Variants in DYNC1H1 observed in about 807,000 individuals in gnomAD.
DYNC1H1 encodes dynein cytoplasmic 1 heavy chain 1, also known as cytoplasmic dynein 1 heavy chain 1.
Under a neutral mutation model 527.1 loss-of-function variants are expected in DYNC1H1, and 51 were observed. That is an observed-to-expected ratio of 0.10 (90% CI 0.08 to 0.12). The LOEUF is 0.12. Ranked by LOEUF, DYNC1H1 falls within the 10% of genes least tolerant of loss-of-function variation. The pLI is 1.00. For synonymous variants in DYNC1H1, 2,189 were observed against 2,278.8 expected, an observed-to-expected ratio of 0.96 and a Z score of 1.12; for missense variants, 2,771 against 5,971.8, an observed-to-expected ratio of 0.46 and a Z score of 17.66.
In DYNC1H1 at chr14:102,049,891, A is replaced by G. The variant is rs1475798561; in HGVS notation, c.13684+9A>G. On this transcript the variant is annotated intron_variant, in intron 76 of 77. Coordinates refer to ENST00000360184, the MANE Select transcript of DYNC1H1 (RefSeq NM_001376.5). The surrounding 1 kb of genome is among the most constrained non-coding windows in gnomAD (Gnocchi z 5.5). ...CAGCTTCGGAGTCACGGGTGAGTGG[A>G]GTCTCACAGAAAATACTGGCTCTTT... is the stretch of plus-strand genomic sequence containing the variant. The G allele has an allele frequency of 6.3e-7, 1 of 1,597,456 alleles. No homozygotes were observed. Among genetic ancestry groups the G allele is most frequent in the Non-Finnish European group, 8.5e-7 (1 of 1,176,208 alleles).
chr14:102,025,357 A>T (rs1290200894), intron 43 of DYNC1H1, among the ~76,000 whole-genome samples: 1 of 151,756 alleles, frequency 6.6e-6, no homozygotes, highest in Non-Finnish European at 1.5e-5. Context: ...GTGAGCCGAG[A>T]TCGCGCCATT....
At position 102,041,967 on chromosome 14, in the gene DYNC1H1, C is replaced by A; in HGVS notation, c.12103-46C>A. The A allele has an allele frequency of 6.3e-7, 1 of 1,595,770 alleles. No individual in the cohort carries two copies. Among genetic ancestry groups the A allele is most frequent in the Non-Finnish European group, 8.6e-7 (1 of 1,163,736 alleles). ...GCTCTCCTTTCCCTTGACAGGTACA[C>A]ACTATTTGCTGGCACTGTAATAACT... On this transcript the variant is annotated intron_variant, in intron 65 of 77. Transcript: ENST00000360184. This position sits in a 1 kb window ranked among gnomAD's most constrained non-coding sequence, Gnocchi z 4.5.
rs2152596249 is a variant in DYNC1H1, at chr14:102,041,571, C to T, written c.11942-3C>T. ...AGCACCCACCCCTCTGTACCTGTTT[C>T]AGCACCCATTGGCCAGGCCATCCAC... On this transcript the variant is annotated splice_region_variant and splice_polypyrimidine_tract_variant and intron_variant, in intron 64 of 77. Coordinates refer to ENST00000360184, the MANE Select transcript of DYNC1H1 (RefSeq NM_001376.5). This position sits in a 1 kb window ranked among gnomAD's most constrained non-coding sequence, Gnocchi z 4.5. 2 of 1,614,042 alleles carry T rather than the reference C, an allele frequency of 1.2e-6. No individual in the cohort carries two copies. The highest frequency in any genetic ancestry group is 1.7e-6 in the Non-Finnish European group (2 of 1,180,030).
chr14:102,032,432 C>T lies in DYNC1H1; in HGVS notation c.10044C>T (p.Ile3348=), dbSNP rs2048519507. ...IRSIIMRENF[I]PTIVNFSAEE... ...CCATCATCATGCGGGAGAACTTCAT[C>T]CCCACCATCGTCAACTTCTCTGCAG... Residue 3348 remains isoleucine, a synonymous_variant, in exon 52 of 78, where the codon ATC becomes ATT. Coordinates refer to ENST00000360184, the MANE Select transcript of DYNC1H1 (RefSeq NM_001376.5). 1.2e-6 allele frequency: 2 copies of T among 1,614,234 alleles called. No individual in the cohort carries two copies. The highest frequency in any genetic ancestry group is 1.7e-6 in the Non-Finnish European group (2 of 1,180,048).
rs777239096 is a variant in DYNC1H1, at chr14:102,039,617, C to T, written c.11596-21C>T. 1.9e-6 allele frequency: 3 copies of T among 1,614,162 alleles called. No homozygotes were observed. The highest frequency in any genetic ancestry group is 2.2e-5 in the East Asian group (1 of 44,882). On this transcript the variant is annotated intron_variant, in intron 61 of 77. Transcript: ENST00000360184. This position sits in a 1 kb window ranked among gnomAD's most constrained non-coding sequence, Gnocchi z 7.0. ...TGCTGCTTCTCTTATGGAACAACAT[C>T]GTCTCCTGCTCTTGTCCCAGGTGGC...
chr14:102,004,037 C>G (rs1031863721), intron 23 of DYNC1H1, among the ~76,000 whole-genome samples: 4 of 151,742 alleles, frequency 2.6e-5, no homozygotes, highest in Admixed American at 6.6e-5. Context: ...GTCAGGAGAT[C>G]GAGACCATCC....
Position 101,986,346 on chromosome 14 carries a change from G to T in DYNC1H1, c.2121G>T (p.Gln707His), listed in dbSNP as rs1404360541. The change falls in exon 8 of 78, where the codon CAG becomes CAT. Residue 707 changes from glutamine (Q) to histidine (H), a missense_variant. This residue lies in a region of DYNC1H1 where 264 missense variants were observed against 619.4 expected (regional missense o/e 0.43). Transcript: ENST00000360184. This position sits in a 1 kb window ranked among gnomAD's most constrained non-coding sequence, Gnocchi z 8.7. ...TTGATGACTGGGCAAGGAAGGTGCAGCAGCGCAACCTCGGTGTCTCGGGGC... is the reference window on the plus strand; with the variant it reads ...TTGATGACTGGGCAAGGAAGGTGCATCAGCGCAACCTCGGTGTCTCGGGGC... ...EIFDDWARKVQQRNLGVSGRI... is the reference protein window; with the variant it reads ...EIFDDWARKVHQRNLGVSGRI... 5 of 1,613,994 alleles carry T rather than the reference G, an allele frequency of 3.1e-6. No individual in the cohort carries two copies. The highest frequency in any genetic ancestry group is 4.2e-6 in the Non-Finnish European group (5 of 1,180,010).
At position 102,027,702 on chromosome 14, in the gene DYNC1H1, G is replaced by A. The variant is rs2048465834; in HGVS notation, c.9132G>A (p.Leu3044=). The A allele has an allele frequency of 1.9e-6, 3 of 1,614,142 alleles. No homozygotes were observed. The highest frequency in any genetic ancestry group is 1.3e-5 in the African/African-American group (1 of 75,040). ...GGGCACAGAAGGAAGGCCTGATGCTGGACTCGCACGAGGAGCTCTACAAGT... is the reference window on the plus strand; with the variant it reads ...GGGCACAGAAGGAAGGCCTGATGCTAGACTCGCACGAGGAGCTCTACAAGT... ...KEGAQKEGLM[L]DSHEELYKWF... is the part of the protein sequence containing the mutation. Residue 3044 remains leucine (L), a synonymous_variant, in exon 47 of 78, where the codon CTG becomes CTA. Coordinates refer to ENST00000360184, the MANE Select transcript of DYNC1H1 (RefSeq NM_001376.5). This position sits in a 1 kb window ranked among gnomAD's most constrained non-coding sequence, Gnocchi z 7.7.
Position 102,016,762 on chromosome 14 carries a change from G to A in DYNC1H1, c.7615-4G>A. The A allele has an allele frequency of 1.9e-6, 3 of 1,613,394 alleles. No individual in the cohort carries two copies. The highest frequency in any genetic ancestry group is 2.5e-6 in the Non-Finnish European group (3 of 1,179,844). ...CGGACTCACACTTCCATCTCCGTGT[G>A]TAGGTGTCCATCAGCGGAGAATGGT... On this transcript the variant is annotated splice_region_variant and splice_polypyrimidine_tract_variant and intron_variant, in intron 37 of 77. Transcript: ENST00000360184. The surrounding 1 kb of genome is among the most constrained non-coding windows in gnomAD (Gnocchi z 7.3).
At chr14:102,048,057 G>C (rs1055279024) in intron 73 of DYNC1H1, 29 bp downstream of exon 73, 1 of 1,593,432 alleles carries the variant, frequency 6.3e-7, no homozygotes, top group African/African-American at 1.3e-5. Context: ...GGCCGGCCAG[G>C]TCTCAAGGTC....
Position 101,985,654 on chromosome 14 carries a change from A to C in DYNC1H1, c.1462-33A>C. On this transcript the variant is annotated intron_variant, in intron 7 of 77. Transcript: ENST00000360184. The surrounding 1 kb of genome is among the most constrained non-coding windows in gnomAD (Gnocchi z 5.9). ...TAAATTTTAAAGCCTTCGTTTGGTC[A>C]GCATTTCTTGATTACATATCTTTCT... The C allele has an allele frequency of 1.2e-6, 2 of 1,612,410 alleles. No homozygotes were observed. The highest frequency in any genetic ancestry group is 1.7e-6 in the Non-Finnish European group (2 of 1,178,444).
chr14:102,017,184 G>A lies in DYNC1H1; in HGVS notation c.7945G>A (p.Val2649Ile), dbSNP rs2048333332. The change falls in exon 39 of 78, where the codon GTT becomes ATT. Residue 2649 changes from valine to isoleucine, a missense_variant. Physicochemically the swap from Val to Ile is conservative, Grantham distance 29. This residue lies in a region of DYNC1H1 where 163 missense variants were observed against 346.9 expected (regional missense o/e 0.47). Coordinates refer to ENST00000360184, the MANE Select transcript of DYNC1H1 (RefSeq NM_001376.5). The surrounding 1 kb of genome is among the most constrained non-coding windows in gnomAD (Gnocchi z 4.6). Reference sequence around the variant, plus strand: ...GTACAGGCGCACACCTAATGGGGTGGTTTTGGCTCCTGTTCAACTTGGAAA... The same window carrying A: ...GTACAGGCGCACACCTAATGGGGTGATTTTGGCTCCTGTTCAACTTGGAAA... ...CEYRRTPNGVVLAPVQLGKWL... is the reference protein window; with the variant it reads ...CEYRRTPNGVILAPVQLGKWL... 6.2e-7 allele frequency: 1 copy of A among 1,614,240 alleles called. No individual in the cohort carries two copies.
At chr14:101,981,015 C>T (rs941182778) in intron 5 of DYNC1H1, among the ~76,000 whole-genome samples, 6 of 152,180 alleles carry the variant, frequency 3.9e-5, no homozygotes, top group Non-Finnish European at 7.3e-5. Flanking sequence ...TGTCTTCCTC[C>T]CTATTCTGAC....
At position 102,012,291 on chromosome 14, in the gene DYNC1H1, A is replaced by G. The variant is rs777603394; in HGVS notation, c.6858-23A>G. ...TAAAATCTTGATTTAATCAGCAGCTATTTTAAAATCCTTCCCAACCAGGAT... is the reference window on the plus strand; with the variant it reads ...TAAAATCTTGATTTAATCAGCAGCTGTTTTAAAATCCTTCCCAACCAGGAT... On this transcript the variant is annotated intron_variant, in intron 33 of 77. Transcript: ENST00000360184. This position sits in a 1 kb window ranked among gnomAD's most constrained non-coding sequence, Gnocchi z 4.9. 9.9e-6 allele frequency: 16 copies of G among 1,614,094 alleles called. No homozygotes were observed. The highest frequency in any genetic ancestry group is 9.3e-5 in the African/African-American group (7 of 74,926).
In DYNC1H1 at chr14:101,986,482, C is replaced by A. The variant is rs2047938234; in HGVS notation, c.2257C>A (p.Leu753Ile). 2 of 1,614,020 alleles carry A rather than the reference C, an allele frequency of 1.2e-6. No individual in the cohort carries two copies. Among genetic ancestry groups the A allele is most frequent in the Non-Finnish European group, 1.7e-6 (2 of 1,180,042 alleles). The change falls in exon 8 of 78, where the codon CTC (leucine) becomes ATC (isoleucine). Residue 753 changes from leucine (L) to isoleucine (I), a missense_variant. Around this residue, in one of 32 missense-constraint regions of DYNC1H1, gnomAD observed 264 missense variants for 619.4 expected, o/e 0.43. Coordinates refer to ENST00000360184, the MANE Select transcript of DYNC1H1 (RefSeq NM_001376.5). The surrounding 1 kb of genome is among the most constrained non-coding windows in gnomAD (Gnocchi z 8.7). ...CACACTATCCAAAGAAGTCCGGAACCTCAAATGGCTTGGTTTCCGCGTCCC... is the reference window on the plus strand; with the variant it reads ...CACACTATCCAAAGAAGTCCGGAACATCAAATGGCTTGGTTTCCGCGTCCC... ...IITLSKEVRN[L>I]KWLGFRVPLA...
Position 101,970,467 on chromosome 14 carries a change from G to GTTTT in DYNC1H1, c.257-5243_257-5242insTTTT, listed in dbSNP as rs1369451236. ...AATGTGGTATTAGTATGTTTGGTTTGTTGTTGTTTTTTTTTTTTTTTTTTT... is the reference window on the plus strand; with the variant it reads ...AATGTGGTATTAGTATGTTTGGTTTGTTTTTTGTTGTTTTTTTTTTTTTTTTTTT... On this transcript the variant is annotated intron_variant, in intron 1 of 77. Coordinates refer to ENST00000360184, the MANE Select transcript of DYNC1H1 (RefSeq NM_001376.5). 1.4e-4 allele frequency among the ~76,000 whole-genome samples: 15 copies of GTTTT among 103,546 alleles called. 1 individual carries two copies. The highest frequency in any genetic ancestry group is 2.4e-4 in the Non-Finnish European group (13 of 54,584). 67.9% of individuals were successfully genotyped at this position (103,546 alleles called of 152,430 possible).
chr14:101,984,667 T>A (rs1235761458), intron 7 of DYNC1H1, among the ~76,000 whole-genome samples: 1 of 150,410 alleles, frequency 6.6e-6, no homozygotes, highest in Non-Finnish European at 1.5e-5. Flanking sequence ...GCGCGGTGGC[T>A]CACGCCTGTA....
chr14:101,997,736 T>C lies in DYNC1H1; in HGVS notation c.3804+462T>C, dbSNP rs1347711176. 6.6e-6 allele frequency among the ~76,000 whole-genome samples: 1 copy of C among 152,256 alleles called. No homozygotes were observed. The highest frequency in any genetic ancestry group is 1.5e-5 in the Non-Finnish European group (1 of 68,042). On this transcript the variant is annotated intron_variant, in intron 16 of 77. Transcript: ENST00000360184. The surrounding 1 kb of genome is among the most constrained non-coding windows in gnomAD (Gnocchi z 4.8). Reference sequence around the variant, plus strand: ...CACCCAGAAACTGCCACATCCACTTTTCTTCATGCATTGAAGTATTTATTG... The same window carrying C: ...CACCCAGAAACTGCCACATCCACTTCTCTTCATGCATTGAAGTATTTATTG...
At chr14:102,003,650 C>T (rs2048157763) in intron 23 of DYNC1H1, among the ~76,000 whole-genome samples, 1 of 152,174 alleles carries the variant, frequency 6.6e-6, no homozygotes, top group African/African-American at 2.4e-5. Flanking sequence ...AGTTAATAGG[C>T]CGGGCGTGGT....
Sources: gnomAD v4.1 joint callset for allele counts (sites outside exome capture counted in the v4.1 genomes callset) on GRCh38, gnomAD v4.1.1 for gene constraint, gnomAD v4.1.1 regional missense constraint, Gnocchi (gnomAD v3.1) non-coding constraint, MANE v1.5 for transcripts, NCBI Gene and HGNC (gene_info 2026-07-23, HGNC 2026-07-21) for gene names.